Variants in HNRNPUL1 observed in about 807,000 individuals in gnomAD.
HNRNPUL1 encodes the protein heterogeneous nuclear ribonucleoprotein U-like protein 1.
A neutral mutation model predicts 108.5 loss-of-function variants in HNRNPUL1; 14 were observed. That is an observed-to-expected ratio of 0.13 (90% confidence interval 0.09 to 0.20). HNRNPUL1 has a LOEUF of 0.20. Among genes scored for constraint, HNRNPUL1 ranks in the 10% least tolerant of loss-of-function variants. The pLI is 1.00. For missense variants in HNRNPUL1, 804 were observed against 1,168.3 expected, an observed-to-expected ratio of 0.69 and a Z score of 4.55; for synonymous variants, 422 against 445.2, an observed-to-expected ratio of 0.95 and a Z score of 0.66.
rs556225992 is a variant in HNRNPUL1 at position 41,282,657 on chromosome 19, C to T, written c.999+1382C>T. 1.6e-4 allele frequency among the ~76,000 whole-genome samples: 25 copies of T among 151,888 alleles called. No homozygotes were observed. The East Asian group carries it at 4.6e-3, about 28-fold the overall frequency. On this transcript the variant is annotated intron_variant, in intron 7 of 14. Transcript: ENST00000392006. ...TCTTCAACAATGTGTTTGAATTGCA[C>T]TGGTTCACTTATGTGCATATTTTTT... is the stretch of plus-strand genomic sequence containing the variant.
intron 7 of HNRNPUL1, among the ~76,000 whole-genome samples, chr19:41,290,379 C>T (rs1383879493): frequency 1.3e-5 from 2 of 152,148 alleles, no homozygotes. Flanking sequence ...GCAGCCAAAG[C>T]AATGTTTCCA....
chr19:41,275,573 A>G (rs1234299479), intron 4 of HNRNPUL1, among the ~76,000 whole-genome samples: 4 of 152,072 alleles, frequency 2.6e-5, no homozygotes, highest in Non-Finnish European at 2.9e-5. Context: ...TGTGTTGACA[A>G]TTTCTGAGGA....
At chr19:41,273,139 G>A (rs1227353249) in intron 3 of HNRNPUL1, among the ~76,000 whole-genome samples, 1 of 152,194 alleles carries the variant, frequency 6.6e-6, no homozygotes, top group Admixed American at 6.5e-5. Context: ...CTGATGGAGA[G>A]CAAAGGAAGA....
chr19:41,274,270 C>T (rs2035415964), intron 4 of HNRNPUL1, among the ~76,000 whole-genome samples: 1 of 152,224 alleles, frequency 6.6e-6, no homozygotes, highest in Non-Finnish European at 1.5e-5. Context: ...CATTCTACTT[C>T]TCTGAGCTTC....
intron 3 of HNRNPUL1, among the ~76,000 whole-genome samples, chr19:41,273,339 G>T (rs2035354427): frequency 6.6e-6 from 1 of 152,212 alleles, no homozygotes; most frequent in Non-Finnish European, 1.5e-5. Context: ...GCAGTGCACT[G>T]CGACCACCCA....
At chr19:41,306,341 A>G (rs1217074612) in intron 14 of HNRNPUL1, 108 bp from the exon 15 acceptor site, 13 of 691,198 alleles carry the variant, frequency 1.9e-5, no homozygotes, top group Non-Finnish European at 2.9e-5. Context: ...CCTGTGTTCA[A>G]CTGTTGTCAC....
chr19:41,294,504 T>A lies in HNRNPUL1; in HGVS notation c.1389+44T>A. 6.2e-7 allele frequency: 1 copy of A among 1,613,986 alleles called. No individual in the cohort carries two copies. Among genetic ancestry groups the A allele is most frequent in the East Asian group, 2.2e-5 (1 of 44,870 alleles). ...CTCTCCTTACTCACCTCCAACCTAC[T>A]GAGTGCTGCCCTGCAACTAAAATCA... is the stretch of plus-strand genomic sequence containing the variant. On this transcript the variant is annotated intron_variant, in intron 9 of 14. Coordinates refer to ENST00000392006, the MANE Select transcript of HNRNPUL1 (RefSeq NM_007040.6). This position sits in a 1 kb window ranked among gnomAD's most constrained non-coding sequence, Gnocchi z 4.3.
intron 10 of HNRNPUL1, among the ~76,000 whole-genome samples, chr19:41,297,060 C>T (rs974127586): frequency 1.4e-4 from 22 of 152,204 alleles, no homozygotes; most frequent in Admixed American, 1.0e-3. Context: ...TCAGGTATAT[C>T]GGGGCTTTGA....
intron 7 of HNRNPUL1, among the ~76,000 whole-genome samples, chr19:41,289,977 C>T (rs1314634733): frequency 6.6e-6 from 1 of 151,906 alleles, no homozygotes; most frequent in Admixed American, 6.6e-5. Flanking sequence ...TCCCAAAATG[C>T]TGGGATTACA....
chr19:41,270,804 C>T (rs939240715), intron 2 of HNRNPUL1, among the ~76,000 whole-genome samples: 1 of 152,008 alleles, frequency 6.6e-6, no homozygotes, highest in Non-Finnish European at 1.5e-5. Context: ...ACCATGTTGG[C>T]CAGGATGGTC....
chr19:41,275,240 T>C (rs1317407960), intron 4 of HNRNPUL1, among the ~76,000 whole-genome samples: 2 of 152,074 alleles, frequency 1.3e-5, no homozygotes, highest in Non-Finnish European at 2.9e-5. Context: ...CAGAGGGCGG[T>C]AGGAATATAT....
intron 7 of HNRNPUL1, among the ~76,000 whole-genome samples, chr19:41,286,036 G>A (rs964759539): frequency 6.6e-6 from 1 of 152,004 alleles, no homozygotes. Flanking sequence ...AGCTGGGCCT[G>A]GTGGCACACG....
chr19:41,279,242 G>T, intron 6 of HNRNPUL1, 66 bp downstream of exon 6: 1 of 1,105,372 alleles, frequency 9.0e-7, no homozygotes, highest in Non-Finnish European at 1.4e-6. Flanking sequence ...GATTTTCAAG[G>T]CTCCTAAGCT....
At chr19:41,272,654 G>A (rs1010957314) in intron 3 of HNRNPUL1, among the ~76,000 whole-genome samples, 21 of 152,190 alleles carry the variant, frequency 1.4e-4, no homozygotes, top group African/African-American at 4.8e-4. Flanking sequence ...GCCCACTCTT[G>A]GGCTGGACAC....
chr19:41,263,874 T>C (rs2034638927), upstream of HNRNPUL1, among the ~76,000 whole-genome samples: 1 of 152,078 alleles, frequency 6.6e-6, no homozygotes, highest in South Asian at 2.1e-4. Flanking sequence ...CTCTTTCCGG[T>C]TTCTTAAAGG....
At chr19:41,284,185 T>C (rs990633677) in intron 7 of HNRNPUL1, among the ~76,000 whole-genome samples, 1 of 119,084 alleles carries the variant, frequency 8.4e-6, no homozygotes, top group African/African-American at 2.6e-5. Context: ...AAAAAAGTTA[T>C]GGTATTACAA....
chr19:41,305,941 T>A, intron 14 of HNRNPUL1, 74 bp downstream of exon 14: 2 of 1,032,588 alleles, frequency 1.9e-6, no homozygotes, highest in Non-Finnish European at 2.9e-6. Context: ...TTCCCAGACT[T>A]AAGTCCCTGC....
At chr19:41,279,250 G>C (rs993709634) in intron 6 of HNRNPUL1, 74 bp downstream of exon 6, 1 of 1,053,074 alleles carries the variant, frequency 9.5e-7, no homozygotes, top group Non-Finnish European at 1.5e-6. Flanking sequence ...AGGCTCCTAA[G>C]CTTCCTTTTC....
chr19:41,289,441 A>T (rs1457285121), intron 7 of HNRNPUL1, among the ~76,000 whole-genome samples: 1 of 152,200 alleles, frequency 6.6e-6, no homozygotes, highest in African/African-American at 2.4e-5. Context: ...GGACAACAGA[A>T]AGAGGTGTGA....
Sources: gnomAD v4.1 joint callset for allele counts (sites outside exome capture counted in the v4.1 genomes callset) on GRCh38, gnomAD v4.1.1 for gene constraint, Gnocchi (gnomAD v3.1) non-coding constraint, MANE v1.5 for transcripts, NCBI Gene and HGNC (gene_info 2026-07-23, HGNC 2026-07-21) for gene names.